The following MRPL47 variants were observed in gnomAD, a reference collection of about 807,000 sequenced individuals.
MRPL47 encodes large ribosomal subunit protein uL29m.
A neutral mutation model predicts 34.0 loss-of-function variants in MRPL47; 31 were observed. The ratio of observed to expected loss-of-function variants is 0.91; its 90% confidence interval spans 0.68 to 1.23. The LOEUF is 1.23. MRPL47 is among the 50% of genes most tolerant of loss of function. The probability of loss-of-function intolerance (pLI) is 0.00; values close to 1 mark genes in which losing one functional copy is unlikely to be tolerated. For synonymous variants in MRPL47, 106 were observed against 101.6 expected (o/e 1.04, Z -0.26); for missense variants, 328 against 285.8 (o/e 1.15, Z -1.07).
intron 6 of MRPL47, among the ~76,000 whole-genome samples, chr3:179,592,339 T>C (rs1286334978): frequency 6.6e-6 from 1 of 151,998 alleles, no homozygotes; most frequent in African/African-American, 2.4e-5. Context: ...GGACTACAGG[T>C]GCCCACCACC....
intron 4 of MRPL47, among the ~76,000 whole-genome samples, chr3:179,598,385 A>C (rs909923394): frequency 4.7e-5 from 4 of 84,790 alleles, no homozygotes; most frequent in Non-Finnish European, 1.0e-4. Context: ...AGTGAGACCC[A>C]CCTGACACAC....
At chr3:179,602,484 T>A (rs902985093) in intron 2 of MRPL47, among the ~76,000 whole-genome samples, 168 bp downstream of exon 2, 1 of 151,870 alleles carries the variant, frequency 6.6e-6, no homozygotes, top group African/African-American at 2.4e-5. Flanking sequence ...AACTCTACTA[T>A]TATATTGTCC....
Position 179,597,282 on chromosome 3 carries a change from T to C in MRPL47, c.402+1393A>G, listed in dbSNP as rs567862174. 7.2e-5 allele frequency among the ~76,000 whole-genome samples: 11 copies of C among 152,348 alleles called. No homozygotes were observed. The East Asian group carries it at 1.2e-3, about 16-fold the overall frequency. Reference sequence around the variant, plus strand: ...GGTAAATCAATGAGGTTTCATTTTATACCTTCTTTGATTTTCTCCAGGGAT... The same window carrying C: ...GGTAAATCAATGAGGTTTCATTTTACACCTTCTTTGATTTTCTCCAGGGAT... On this transcript the variant is annotated intron_variant, in intron 4 of 6. Coordinates refer to ENST00000476781, the MANE Select transcript of MRPL47 (RefSeq NM_020409.3).
chr3:179,604,375 C>T, intron 1 of MRPL47, 152 bp downstream of exon 1: 1 of 665,914 alleles, frequency 1.5e-6, no homozygotes, highest in South Asian at 1.9e-5. Flanking sequence ...GCGACTTCTC[C>T]AAGGTCACTC....
chr3:179,596,556 T>C (rs1438924552), intron 4 of MRPL47, among the ~76,000 whole-genome samples: 2 of 152,172 alleles, frequency 1.3e-5, no homozygotes, highest in African/African-American at 4.8e-5. Flanking sequence ...TAATCCACGG[T>C]TGAAGTTCAA....
chr3:179,589,650 ACTG>A (rs879349825), intron 6 of MRPL47, among the ~76,000 whole-genome samples: 2 of 152,222 alleles, frequency 1.3e-5, no homozygotes, highest in Non-Finnish European at 2.9e-5. Flanking sequence ...ATAAAGATGT[ACTG>A]CTGAAGTTAT....
chr3:179,603,654 T>C (rs1359488465), intron 1 of MRPL47, among the ~76,000 whole-genome samples: 4 of 152,218 alleles, frequency 2.6e-5, no homozygotes, highest in African/African-American at 9.6e-5. Context: ...AAAATTATTA[T>C]AGATGGGAAT....
chr3:179,602,204 C>T (rs749404889), intron 2 of MRPL47, among the ~76,000 whole-genome samples: 1 of 152,008 alleles, frequency 6.6e-6, no homozygotes, highest in African/African-American at 2.4e-5. Flanking sequence ...ATTAGCCGGG[C>T]GTGGTGGCAC....
At chr3:179,603,916 A>T (rs1224368164) in intron 1 of MRPL47, among the ~76,000 whole-genome samples, 1 of 152,098 alleles carries the variant, frequency 6.6e-6, no homozygotes, top group African/African-American at 2.4e-5. Flanking sequence ...GGAAACAATC[A>T]GACAAATCCA....
chr3:179,599,563 G>T (rs1432990968), intron 3 of MRPL47, among the ~76,000 whole-genome samples: 1 of 152,190 alleles, frequency 6.6e-6, no homozygotes, highest in African/African-American at 2.4e-5. Flanking sequence ...TCAAATCCCT[G>T]ATCTCTGTGT....
chr3:179,604,436 T>A, intron 1 of MRPL47, 91 bp downstream of exon 1: 1 of 1,309,228 alleles, frequency 7.6e-7, no homozygotes, highest in Non-Finnish European at 1.1e-6. Context: ...GCCGTTCCAT[T>A]CTTGAGTTGT....
At chr3:179,591,992 C>G (rs570812946) in intron 6 of MRPL47, among the ~76,000 whole-genome samples, 3 of 152,048 alleles carry the variant, frequency 2.0e-5, no homozygotes, top group African/African-American at 7.2e-5. Flanking sequence ...GCTACCATGG[C>G]CGGCTAATTT....
intron 6 of MRPL47, among the ~76,000 whole-genome samples, chr3:179,592,303 T>C (rs1718691554): frequency 6.6e-6 from 1 of 152,178 alleles, no homozygotes; most frequent in Non-Finnish European, 1.5e-5. Flanking sequence ...CACGCCATTC[T>C]CCTGCCTCAG....
Position 179,588,860 on chromosome 3 carries a change from A to G in MRPL47, c.*12T>C, listed in dbSNP as rs3774258. 14,600 of 1,608,400 alleles carry G rather than the reference A, an allele frequency of 9.1e-3. 703 individuals are homozygous for G. The East Asian group carries it at 0.12, about 13-fold the overall frequency. On this transcript the variant is annotated 3_prime_UTR_variant, in exon 7 of 7. Transcript: ENST00000476781. ...AGAAAAACAAAATGGTAAATTTAAT[A>G]GTTCAGACATCTTAGACAAGACTTG...
chr3:179,600,294 A>C (rs954223610), intron 3 of MRPL47, among the ~76,000 whole-genome samples: 1 of 152,232 alleles, frequency 6.6e-6, no homozygotes, highest in Non-Finnish European at 1.5e-5. Flanking sequence ...TTTCATAAAC[A>C]CTTCACAATT....
intron 6 of MRPL47, 39 bp from the exon 7 acceptor site, chr3:179,589,034 T>C: frequency 6.3e-7 from 1 of 1,574,884 alleles, no homozygotes; most frequent in Non-Finnish European, 8.6e-7. Flanking sequence ...TATACAAAAA[T>C]ATTTCCTTGT....
chr3:179,589,842 A>T (rs1261276099), intron 6 of MRPL47, among the ~76,000 whole-genome samples: 1 of 152,222 alleles, frequency 6.6e-6, no homozygotes, highest in East Asian at 1.9e-4. Flanking sequence ...TCTATTCATC[A>T]GTCTTTGCTC....
intron 1 of MRPL47, among the ~76,000 whole-genome samples, chr3:179,603,775 A>G (rs1444317999): frequency 6.6e-6 from 1 of 152,218 alleles, no homozygotes; most frequent in Non-Finnish European, 1.5e-5. Context: ...ATGATAAATT[A>G]TTATGCAGTA....
intron 3 of MRPL47, among the ~76,000 whole-genome samples, chr3:179,600,861 C>T (rs371574681): frequency 4.2e-4 from 64 of 151,934 alleles, no homozygotes; most frequent in South Asian, 2.3e-3. Flanking sequence ...ATTCAAGAGC[C>T]GACAAAAATA....
Sources: gnomAD v4.1 joint callset for allele counts (sites outside exome capture counted in the v4.1 genomes callset) on GRCh38, gnomAD v4.1.1 for gene constraint, MANE v1.5 for transcripts, NCBI Gene and HGNC (gene_info 2026-07-23, HGNC 2026-07-21) for gene names.